The following FRYL variants were observed in gnomAD, a reference collection of about 807,000 sequenced individuals.
FRYL encodes protein furry homolog-like.
FRYL carries 150 observed loss-of-function variants against 351.2 expected under a neutral mutation model. That is an observed-to-expected ratio of 0.43 (90% CI 0.37 to 0.49). FRYL has a LOEUF of 0.49. FRYL is among the 20% of genes least tolerant of loss of function. The pLI, the probability that FRYL is intolerant of heterozygous loss-of-function variation, is 0.00. For missense variants in FRYL, 3,036 were observed against 3,619.3 expected, an observed-to-expected ratio of 0.84 and a Z score of 4.13; for synonymous variants, 1,153 against 1,257.1, an observed-to-expected ratio of 0.92 and a Z score of 1.75.
At chr4:48,726,482 G>A (rs9992872) in intron 1 of FRYL, among the ~76,000 whole-genome samples, 41,412 of 151,890 alleles carry the variant, frequency 0.27, 6,309 homozygotes, top group African/African-American at 0.41. Context: ...AGGAATTTGA[G>A]ACCAGCCTGG....
intron 47 of FRYL, among the ~76,000 whole-genome samples, chr4:48,536,954 C>T (rs1279341771): frequency 6.6e-6 from 1 of 152,108 alleles, no homozygotes; most frequent in Non-Finnish European, 1.5e-5. Flanking sequence ...AGACTATTAA[C>T]ACAGTAGTAC....
chr4:48,513,746 G>A (rs1577881457), intron 56 of FRYL, among the ~76,000 whole-genome samples: 1 of 152,078 alleles, frequency 6.6e-6, no homozygotes, highest in Non-Finnish European at 1.5e-5. Context: ...ACCTCAAAAA[G>A]GTTAATTTTA....
intron 7 of FRYL, among the ~76,000 whole-genome samples, chr4:48,613,159 C>T (rs897658542): frequency 5.9e-5 from 9 of 152,138 alleles, no homozygotes; most frequent in Admixed American, 1.3e-4. Flanking sequence ...ATACACATAG[C>T]TTGAAGGTAA....
intron 3 of FRYL, among the ~76,000 whole-genome samples, chr4:48,666,173 C>T (rs1761681054): frequency 6.6e-6 from 1 of 152,042 alleles, no homozygotes; most frequent in South Asian, 2.1e-4. Flanking sequence ...ACCAGCCTGG[C>T]CAACATGGTG....
chr4:48,704,049 G>A (rs1767041852), intron 2 of FRYL, among the ~76,000 whole-genome samples: 1 of 152,054 alleles, frequency 6.6e-6, no homozygotes, highest in Non-Finnish European at 1.5e-5. Flanking sequence ...TACAAGTGGA[G>A]ACACTAAATG....
chr4:48,610,563 A>C (rs1578337023), intron 7 of FRYL, among the ~76,000 whole-genome samples: 1 of 150,206 alleles, frequency 6.7e-6, no homozygotes, highest in African/African-American at 2.4e-5. Flanking sequence ...CAATATGTAT[A>C]TATCACAATT....
chr4:48,551,475 A>G lies in FRYL; in HGVS notation c.4520+19T>C. The G allele has an allele frequency of 1.4e-6, 2 of 1,453,804 alleles. No homozygotes were observed. The highest frequency in any genetic ancestry group is 1.4e-5 in the African/African-American group (1 of 71,682). The allele number at this position is 1,453,804 out of a possible 1,614,324, so 90.1% of individuals were successfully genotyped here. ...ATCTGTCAAACTGAAAGGCTAATACAGAACAGAGAAGTACTTACCTCTCTT... is the reference window on the plus strand; with the variant it reads ...ATCTGTCAAACTGAAAGGCTAATACGGAACAGAGAAGTACTTACCTCTCTT... On this transcript the variant is annotated intron_variant, in intron 37 of 63. Coordinates refer to ENST00000358350, the MANE Select transcript of FRYL (RefSeq NM_015030.2).
chr4:48,722,386 A>G (rs1240861062), intron 1 of FRYL, among the ~76,000 whole-genome samples: 2 of 152,234 alleles, frequency 1.3e-5, no homozygotes, highest in African/African-American at 4.8e-5. Context: ...CATTTGTTAA[A>G]ACGTTTTATT....
At chr4:48,560,792 C>A (rs1735326755) in intron 33 of FRYL, among the ~76,000 whole-genome samples, 1 of 152,104 alleles carries the variant, frequency 6.6e-6, no homozygotes, top group Admixed American at 6.5e-5. Context: ...TTTTTTCTCC[C>A]ACTCAGGTCA....
intron 1 of FRYL, among the ~76,000 whole-genome samples, chr4:48,759,795 G>A (rs778568756): frequency 6.6e-6 from 1 of 152,114 alleles, no homozygotes; most frequent in African/African-American, 2.4e-5. Context: ...GGACCCCTGT[G>A]ATGACATTAG....
rs1199407131 is a variant in FRYL at position 48,531,198 on chromosome 4, C to T, written c.6861G>A (p.Glu2287=). ...GAAAATCTAAGGTCTTCCCAGGCAACTCCTTAGAAACATTATTAAAAATTT... is the reference window on the plus strand; with the variant it reads ...GAAAATCTAAGGTCTTCCCAGGCAATTCCTTAGAAACATTATTAAAAATTT... ...FTKIFNNVSK[E]LPGKTLDFHF... is the part of the protein sequence containing the mutation. The change falls in exon 50 of 64, where the codon GAG becomes GAA. Residue 2287 remains glutamate, a synonymous_variant. Transcript: ENST00000358350. The T allele has an allele frequency of 2.5e-6, 4 of 1,611,420 alleles. No individual in the cohort carries two copies. Among genetic ancestry groups the T allele is most frequent in the Non-Finnish European group, 2.5e-6 (3 of 1,177,664 alleles).
intron 53 of FRYL, 42 bp downstream of exon 53, chr4:48,527,435 A>C (rs1183984803): frequency 1.3e-6 from 2 of 1,505,550 alleles, no homozygotes; most frequent in East Asian, 4.5e-5. Flanking sequence ...ATTCTCATAC[A>C]ACTGTTCTAT....
chr4:48,684,296 G>A (rs1234946582), intron 3 of FRYL, among the ~76,000 whole-genome samples: 1 of 152,138 alleles, frequency 6.6e-6, no homozygotes, highest in African/African-American at 2.4e-5. Flanking sequence ...GTGTAGGGTA[G>A]GCCAAACCTT....
intron 1 of FRYL, among the ~76,000 whole-genome samples, chr4:48,752,805 A>G (rs1290049839): frequency 6.6e-6 from 1 of 152,256 alleles, no homozygotes; most frequent in Non-Finnish European, 1.5e-5. Flanking sequence ...TGTTTACAAA[A>G]GGGGAAGATC....
intron 1 of FRYL, among the ~76,000 whole-genome samples, chr4:48,778,687 TA>T (rs929925855): frequency 2.6e-5 from 4 of 152,252 alleles, no homozygotes; most frequent in Non-Finnish European, 4.4e-5. Flanking sequence ...AAAGACGTCT[TA>T]TACTAGTTTT....
At chr4:48,752,730 C>T (rs895265359) in intron 1 of FRYL, among the ~76,000 whole-genome samples, 2 of 152,166 alleles carry the variant, frequency 1.3e-5, no homozygotes, top group African/African-American at 4.8e-5. Flanking sequence ...TAGGTGAAAG[C>T]TAGACAAGAG....
intron 3 of FRYL, among the ~76,000 whole-genome samples, chr4:48,673,615 A>G (rs536787474): frequency 6.6e-6 from 1 of 152,324 alleles, no homozygotes; most frequent in South Asian, 2.1e-4. Context: ...ATCAAACAAT[A>G]ATGCAATGCA....
chr4:48,674,424 CAT>C lies in FRYL; in HGVS notation c.-81+10247_-81+10248del, dbSNP rs376813201. Among the ~76,000 whole-genome samples the C allele has an allele frequency of 4.5e-3, 687 of 152,216 alleles. 6 individuals are homozygous for C. Among genetic ancestry groups the C allele is most frequent in the African/African-American group, 0.015 (642 of 41,520 alleles). On this transcript the variant is annotated intron_variant, in intron 3 of 63. Coordinates refer to ENST00000358350, the MANE Select transcript of FRYL (RefSeq NM_015030.2). Reference sequence around the variant, plus strand: ...AATAGGATAAGATTATATCACATCACATGTGATCATTTTGATTTCTTTATTAA... The same window carrying C: ...AATAGGATAAGATTATATCACATCACGTGATCATTTTGATTTCTTTATTAA...
chr4:48,766,364 G>A (rs1199734093), intron 1 of FRYL, among the ~76,000 whole-genome samples: 1 of 152,176 alleles, frequency 6.6e-6, no homozygotes, highest in Non-Finnish European at 1.5e-5. Context: ...GATGACAGCT[G>A]TCAATAAAAG....
Sources: allele counts gnomAD v4.1 joint callset (sites outside exome capture counted in the v4.1 genomes callset), GRCh38; gene constraint gnomAD v4.1.1; transcripts MANE v1.5; gene names NCBI Gene and HGNC (gene_info 2026-07-23, HGNC 2026-07-21).